The following HDAC4 variants were observed in gnomAD, a reference collection of about 807,000 sequenced individuals.
The protein encoded by HDAC4 is histone deacetylase 4.
Under a neutral mutation model 135.1 loss-of-function variants are expected in HDAC4, and 16 were observed. The observed-to-expected ratio is 0.12, with a 90% CI of 0.08 to 0.18. HDAC4 has a LOEUF of 0.18. Among genes scored for constraint, HDAC4 ranks in the 10% least tolerant of loss-of-function variants. The pLI is 1.00. For missense variants in HDAC4, 1,143 were observed against 1,511.8 expected (o/e 0.76, Z 4.05); for synonymous variants, 685 against 653.4 (o/e 1.05, Z -0.74).
intron 24 of HDAC4, among the ~76,000 whole-genome samples, chr2:239,062,986 GCAAGGTCCTGACCCCGC>G (rs2032977426): frequency 6.6e-6 from 1 of 152,142 alleles, no homozygotes; most frequent in Admixed American, 6.5e-5. Flanking sequence ...CCTTGGCGAT[GCAAGGTCCTGACCCCGC>G]CAAGGCCCTG....
intron 2 of HDAC4, among the ~76,000 whole-genome samples, chr2:239,246,056 C>T (rs1349143408): frequency 1.3e-5 from 2 of 152,186 alleles, no homozygotes; most frequent in African/African-American, 4.8e-5. Context: ...TGCCCAGACA[C>T]AGGGCAGAGG....
chr2:239,201,997 T>C (rs2045784705), intron 3 of HDAC4, among the ~76,000 whole-genome samples: 1 of 152,212 alleles, frequency 6.6e-6, no homozygotes. Context: ...GGGTGGTCCC[T>C]GCAGTTGGCA....
intron 2 of HDAC4, among the ~76,000 whole-genome samples, chr2:239,253,894 G>T (rs1332961087): frequency 1.3e-5 from 2 of 152,134 alleles, no homozygotes; most frequent in Non-Finnish European, 2.9e-5. Flanking sequence ...CCATGAGCGT[G>T]GCTTGGACAG....
chr2:239,285,028 C>T lies in HDAC4; in HGVS notation c.23-48364G>A, dbSNP rs930779159. 2.0e-5 allele frequency among the ~76,000 whole-genome samples: 3 copies of T among 152,116 alleles called. No homozygotes were observed. The highest frequency in any genetic ancestry group is 6.5e-5 in the Admixed American group (1 of 15,272). On this transcript the variant is annotated intron_variant, in intron 2 of 26. Coordinates refer to ENST00000543185, the MANE Select transcript of HDAC4 (RefSeq NM_001378414.1). This position sits in a 1 kb window ranked among gnomAD's most constrained non-coding sequence, Gnocchi z 4.5. Reference sequence around the variant, plus strand: ...GCATGAAGGAAGCCCAGAGACAAGTCGTCTAAATGCATCCATCAGTCTACC... The same window carrying T: ...GCATGAAGGAAGCCCAGAGACAAGTTGTCTAAATGCATCCATCAGTCTACC...
intron 2 of HDAC4, among the ~76,000 whole-genome samples, chr2:239,332,638 A>G (rs1217235225): frequency 1.3e-5 from 2 of 152,054 alleles, no homozygotes; most frequent in Admixed American, 1.3e-4. Context: ...AGTCTGAAAA[A>G]AAAAAATCAG....
chr2:239,318,517 G>A (rs1575687080), intron 2 of HDAC4, among the ~76,000 whole-genome samples: 1 of 152,040 alleles, frequency 6.6e-6, no homozygotes, highest in East Asian at 1.9e-4. Context: ...GACTATCAGC[G>A]AAACATAAAC....
chr2:239,254,268 G>A (rs888345926), intron 2 of HDAC4, among the ~76,000 whole-genome samples: 3 of 152,174 alleles, frequency 2.0e-5, no homozygotes, highest in African/African-American at 7.2e-5. Context: ...AAAGTCCCCT[G>A]CTGAAGAGTT....
chr2:239,394,873 G>A (rs1274493266), intron 1 of HDAC4, among the ~76,000 whole-genome samples: 2 of 152,240 alleles, frequency 1.3e-5, no homozygotes, highest in East Asian at 3.8e-4. Context: ...GAGCAGGCAT[G>A]AGGCCCTCAG....
At chr2:239,207,708 C>T (rs758514249) in intron 3 of HDAC4, among the ~76,000 whole-genome samples, 6 of 152,154 alleles carry the variant, frequency 3.9e-5, no homozygotes, top group African/African-American at 1.4e-4. Flanking sequence ...TAATCATGAA[C>T]TAAATTGAAT....
chr2:239,144,755 A>G, intron 7 of HDAC4, 41 bp from the exon 8 acceptor site: 2 of 1,606,856 alleles, frequency 1.2e-6, no homozygotes, highest in Non-Finnish European at 1.7e-6. Context: ...GGCAGACACC[A>G]CTGGCTCAAG....
chr2:239,171,446 C>A lies in HDAC4; in HGVS notation c.490+4967G>T, dbSNP rs569937711. ...ATGATAAATTGGAAGAAAATACCCA[C>A]ACTGAGGCAAAAGAAAAAGGAAACA... On this transcript the variant is annotated intron_variant, in intron 5 of 26. Coordinates refer to ENST00000543185, the MANE Select transcript of HDAC4 (RefSeq NM_001378414.1). 3.6e-4 allele frequency among the ~76,000 whole-genome samples: 55 copies of A among 152,296 alleles called. 1 individual carries two copies. The highest frequency in any genetic ancestry group is 3.1e-3 in the South Asian group (15 of 4,826).
chr2:239,114,175 T>C (rs1183690791), intron 13 of HDAC4, among the ~76,000 whole-genome samples: 1 of 152,150 alleles, frequency 6.6e-6, no homozygotes, highest in African/African-American at 2.4e-5. Flanking sequence ...GCTTCCAAGG[T>C]GCTGCTGGGG....
intron 2 of HDAC4, among the ~76,000 whole-genome samples, chr2:239,289,581 G>A (rs1235190572): frequency 8.3e-6 from 1 of 120,590 alleles, no homozygotes; most frequent in East Asian, 2.4e-4. Context: ...AGGAGCAGAG[G>A]TCTTTTCTTC....
At chr2:239,170,913 G>A (rs1004700589) in intron 5 of HDAC4, among the ~76,000 whole-genome samples, 1 of 152,160 alleles carries the variant, frequency 6.6e-6, no homozygotes, top group African/African-American at 2.4e-5. Flanking sequence ...GGACCTCAAA[G>A]GGATATGCCT....
chr2:239,369,307 G>T (rs958073561), intron 1 of HDAC4, among the ~76,000 whole-genome samples: 2 of 152,172 alleles, frequency 1.3e-5, no homozygotes, highest in African/African-American at 2.4e-5. Flanking sequence ...CCAAGAGCAT[G>T]TCTACGGTTG....
chr2:239,250,458 G>C (rs2048724045), intron 2 of HDAC4, among the ~76,000 whole-genome samples: 1 of 152,224 alleles, frequency 6.6e-6, no homozygotes, highest in African/African-American at 2.4e-5. Context: ...GCACGGCCCA[G>C]CTCCAGGCAG....
rs1425043222 is a variant in HDAC4, at chr2:239,224,228, T to C, written c.94+12365A>G. ...AAATCCCATCTACGTCAGATATCTC[T>C]AGAATTTGTACCATTTTCTACATTC... On this transcript the variant is annotated intron_variant, in intron 3 of 26. Transcript: ENST00000543185. 7.2e-5 allele frequency among the ~76,000 whole-genome samples: 11 copies of C among 152,310 alleles called. No homozygotes were observed. In the East Asian group the frequency reaches 1.9e-3, roughly 27 times the overall value.
chr2:239,099,134 A>C (rs1231836731), intron 16 of HDAC4, among the ~76,000 whole-genome samples: 2 of 152,216 alleles, frequency 1.3e-5, no homozygotes, highest in African/African-American at 4.8e-5. Flanking sequence ...AAACCTAAGC[A>C]AGGTGGTGGA....
chr2:239,375,228 G>A (rs1040446841), intron 1 of HDAC4, among the ~76,000 whole-genome samples: 5 of 152,186 alleles, frequency 3.3e-5, no homozygotes, highest in African/African-American at 1.2e-4. Flanking sequence ...CCAGGGGCCT[G>A]GGAATCAGAG....
Sources: gnomAD v4.1 joint callset for allele counts (sites outside exome capture counted in the v4.1 genomes callset) on GRCh38, gnomAD v4.1.1 for gene constraint, Gnocchi (gnomAD v3.1) non-coding constraint, MANE v1.5 for transcripts, NCBI Gene and HGNC (gene_info 2026-07-23, HGNC 2026-07-21) for gene names.